MEDAG: variants seen among roughly 807,000 people sequenced by gnomAD.
MEDAG encodes the protein mesenteric estrogen dependent adipogenesis, also known as mesenteric estrogen-dependent adipogenesis protein.
In MEDAG, 25 loss-of-function variants were observed where a neutral mutation model predicts 29.9. The observed-to-expected ratio is 0.84, with a 90% CI of 0.61 to 1.17. The LOEUF (loss-of-function observed/expected upper bound fraction) is 1.17, where lower values mean the gene tolerates loss of function less well. Ranked by LOEUF, MEDAG falls within the 50% of genes most tolerant of loss-of-function variation. The pLI, the probability that MEDAG is intolerant of heterozygous loss-of-function variation, is 0.00. For synonymous variants in MEDAG, 158 were observed against 148.2 expected (o/e 1.07, Z -0.48); for missense variants, 398 against 372.9 (o/e 1.07, Z -0.56).
At chr13:30,911,580 C>A (rs1323741277) in intron 1 of MEDAG, among the ~76,000 whole-genome samples, 1 of 152,146 alleles carries the variant, frequency 6.6e-6, no homozygotes, top group African/African-American at 2.4e-5. Context: ...CAATATCTCT[C>A]CTACTACCCA....
chr13:30,906,907 C>A, intron 1 of MEDAG, 114 bp downstream of exon 1: 3 of 1,102,532 alleles, frequency 2.7e-6, no homozygotes, highest in Non-Finnish European at 3.7e-6. Flanking sequence ...ACCGCGTGGC[C>A]CCTTGCTCCG....
chr13:30,916,675 A>G (rs947837908), intron 1 of MEDAG: 1 of 152,244 alleles, frequency 6.6e-6, no homozygotes, highest in Non-Finnish European at 1.5e-5. Context: ...CCTTTTTATG[A>G]ACAATGCTGA....
chr13:30,913,670 C>T (rs1952901346), intron 1 of MEDAG, among the ~76,000 whole-genome samples: 1 of 152,072 alleles, frequency 6.6e-6, no homozygotes, highest in Admixed American at 6.6e-5. Context: ...CTTTTCATTC[C>T]TAATGATAAT....
At chr13:30,917,303 C>T (rs1952938309) in intron 1 of MEDAG, 100 bp from the exon 2 acceptor site, 1 of 759,460 alleles carries the variant, frequency 1.3e-6, no homozygotes, top group Non-Finnish European at 2.3e-6. Context: ...GAACTTCCCT[C>T]CAAGGTCTGT....
Position 30,921,813 on chromosome 13 carries a change from T to C in MEDAG, c.754T>C (p.Phe252Leu). Residue 252 changes from phenylalanine (F) to leucine (L), a missense_variant, in exon 4 of 5, where the codon TTC becomes CTC. Phe to Leu is a conservative substitution (Grantham distance 22). Transcript: ENST00000380482. Reference protein sequence around the residue: ...MSEPLIRRSSFSDRKFSVTSR... With the variant: ...MSEPLIRRSSLSDRKFSVTSR... Reference sequence around the variant, plus strand: ...TGAGCCTTTAATCCGAAGGAGCAGTTTCTCTGACCGAAAGTTCAGTGTAAC... The same window carrying C: ...TGAGCCTTTAATCCGAAGGAGCAGTCTCTCTGACCGAAAGTTCAGTGTAAC... 6.2e-7 allele frequency: 1 copy of C among 1,610,194 alleles called. No individual in the cohort carries two copies. Among genetic ancestry groups the C allele is most frequent in the Non-Finnish European group, 8.5e-7 (1 of 1,178,792 alleles).
At position 30,917,512 on chromosome 13, in the gene MEDAG, G is replaced by A. The variant is rs1236229765; in HGVS notation, c.388G>A (p.Glu130Lys). Residue 130 changes from glutamate to lysine, a missense_variant and splice_region_variant, in exon 2 of 5, where the codon GAA (glutamate) becomes AAA (lysine). Glu to Lys is a moderately conservative substitution (Grantham distance 56). Transcript: ENST00000380482. The stretch of plus-strand genomic sequence containing the variant: ...ACAGACCAAAAAAGACACCTCAAAA[G>A]GTAAGTATCTATATTAGTCCATTTT... ...NVQTKKDTSK[E>K]RTYAFLVNTR... 6.6e-7 allele frequency: 1 copy of A among 1,515,198 alleles called. No homozygotes were observed. Among genetic ancestry groups the A allele is most frequent in the South Asian group, 1.1e-5 (1 of 88,942 alleles). 93.9% of individuals were successfully genotyped at this position (1,515,198 alleles called of 1,614,324 possible).
At position 30,923,837 on chromosome 13, in the gene MEDAG, G is replaced by A. The variant is rs115988965; in HGVS notation, c.788-474G>A. On this transcript the variant is annotated intron_variant, in intron 4 of 4. Coordinates refer to ENST00000380482, the MANE Select transcript of MEDAG (RefSeq NM_032849.4). Reference sequence around the variant, plus strand: ...GAAAGTTTACTCTAAGCTGGCTCTGGGGCCACTTCAACTTCAGAGGAGTGT... The same window carrying A: ...GAAAGTTTACTCTAAGCTGGCTCTGAGGCCACTTCAACTTCAGAGGAGTGT... Among the ~76,000 whole-genome samples the A allele has an allele frequency of 8.3e-3, 1,261 of 152,238 alleles. 27 individuals carry two copies. Among genetic ancestry groups the A allele is most frequent in the African/African-American group, 0.029 (1,210 of 41,530 alleles).
At chr13:30,913,343 G>A (rs532061773) in intron 1 of MEDAG, among the ~76,000 whole-genome samples, 2 of 152,210 alleles carry the variant, frequency 1.3e-5, no homozygotes, top group South Asian at 4.1e-4. Context: ...AGCCTCCTGA[G>A]TTGCTAGGAG....
intron 2 of MEDAG, among the ~76,000 whole-genome samples, chr13:30,919,778 G>A (rs1305447187): frequency 6.6e-6 from 1 of 152,134 alleles, no homozygotes; most frequent in East Asian, 1.9e-4. Context: ...GTCCCTGGCT[G>A]TTAAATGGAG....
At position 30,906,347 on chromosome 13, in the gene MEDAG, A is replaced by G. The variant is rs956089204; in HGVS notation, c.-169A>G. On this transcript the variant is annotated 5_prime_UTR_variant, in exon 1 of 5. Transcript: ENST00000380482. ...GGGCCGCCCGGGCGGTCAGACTGGC[A>G]CCTGAGCGGCCACCGCGTCCCGGCC... is the stretch of plus-strand genomic sequence containing the variant. The G allele has an allele frequency of 4.8e-6, 3 of 621,866 alleles. No homozygotes were observed. Among genetic ancestry groups the G allele is most frequent in the Non-Finnish European group, 7.1e-6 (3 of 419,700 alleles). 38.5% of individuals were successfully genotyped at this position (621,866 alleles called of 1,614,324 possible). A position where few individuals can be genotyped will look rare whatever the true frequency, so the allele number is the denominator to read the frequency against.
At chr13:30,914,437 G>A (rs1952908592) in intron 1 of MEDAG, among the ~76,000 whole-genome samples, 1 of 152,234 alleles carries the variant, frequency 6.6e-6, no homozygotes, top group Admixed American at 6.5e-5. Context: ...TAACTGGCAT[G>A]CACTGTGATG....
At position 30,925,097 on chromosome 13, in the gene MEDAG, TA is replaced by T. The variant is rs1360254756; in HGVS notation, c.*664del. 6.6e-6 allele frequency: 1 copy of T among 152,148 alleles called. No homozygotes were observed. The highest frequency in any genetic ancestry group is 2.4e-5 in the African/African-American group (1 of 41,424). The allele number at this position is 152,148 out of a possible 1,614,324, so 9.4% of individuals were successfully genotyped here. A position where few individuals can be genotyped will look rare whatever the true frequency, so the allele number is the denominator to read the frequency against. On this transcript the variant is annotated 3_prime_UTR_variant, in exon 5 of 5. Coordinates refer to ENST00000380482, the MANE Select transcript of MEDAG (RefSeq NM_032849.4). ...ATCGGAACTCCCTTGGCCTCCCTCTTAACTAAGTGACCCATGTAGAAGGAAG... is the reference window on the plus strand; with the variant it reads ...ATCGGAACTCCCTTGGCCTCCCTCTTACTAAGTGACCCATGTAGAAGGAAG...
intron 1 of MEDAG, 121 bp from the exon 2 acceptor site, chr13:30,917,282 T>C (rs1365447945): frequency 2.8e-6 from 2 of 703,018 alleles, no homozygotes; most frequent in East Asian, 5.4e-5. Context: ...TCTGTAAGGA[T>C]GCATTTCAAG....
intron 1 of MEDAG, 55 bp downstream of exon 1, chr13:30,906,848 C>T (rs1952836165): frequency 2.1e-6 from 3 of 1,402,166 alleles, no homozygotes; most frequent in African/African-American, 3.0e-5. Context: ...CAGACGCCTC[C>T]ACCCGGCTGC....
chr13:30,907,438 C>T (rs989378516), intron 1 of MEDAG, among the ~76,000 whole-genome samples: 15 of 152,224 alleles, frequency 9.9e-5, no homozygotes, highest in African/African-American at 3.6e-4. Flanking sequence ...GAAATAAGTG[C>T]GAAACCTGAG....
intron 2 of MEDAG, among the ~76,000 whole-genome samples, chr13:30,920,430 A>T (rs765725309): frequency 5.9e-5 from 9 of 152,046 alleles, no homozygotes; most frequent in Non-Finnish European, 5.9e-5. Flanking sequence ...TGCAAAAAAA[A>T]ATACAAAAAT....
intron 1 of MEDAG, among the ~76,000 whole-genome samples, chr13:30,913,159 A>G (rs1952896913): frequency 6.6e-6 from 1 of 152,160 alleles, no homozygotes; most frequent in Non-Finnish European, 1.5e-5. Flanking sequence ...ATTTTGAAAT[A>G]CTGTGTTTCC....
At chr13:30,918,475 T>C (rs1196935188) in intron 2 of MEDAG, among the ~76,000 whole-genome samples, 1 of 152,212 alleles carries the variant, frequency 6.6e-6, no homozygotes, top group East Asian at 1.9e-4. Flanking sequence ...GCCATGATGT[T>C]GGAATGTCAT....
chr13:30,919,455 G>T (rs962284792), intron 2 of MEDAG, among the ~76,000 whole-genome samples: 1 of 152,172 alleles, frequency 6.6e-6, no homozygotes, highest in Non-Finnish European at 1.5e-5. Flanking sequence ...GTGGAGTGTT[G>T]TGGCCATGAG....
Sources: allele counts gnomAD v4.1 joint callset (sites outside exome capture counted in the v4.1 genomes callset), GRCh38; gene constraint gnomAD v4.1.1; transcripts MANE v1.5; gene names NCBI Gene and HGNC (gene_info 2026-07-23, HGNC 2026-07-21).